Variants in SLC29A3 observed in about 807,000 individuals in gnomAD.
The protein encoded by SLC29A3 is solute carrier family 29 member 3.
SLC29A3 carries 18 observed loss-of-function variants against 25.4 expected under a neutral mutation model. That is an observed-to-expected ratio of 0.71 (90% confidence interval 0.49 to 1.05). SLC29A3 has a LOEUF of 1.05. SLC29A3 is among the 50% of genes least tolerant of loss of function. SLC29A3 has a pLI of 0.00. For missense variants in SLC29A3, 586 were observed against 609.0 expected (o/e 0.96, Z 0.40); for synonymous variants, 258 against 267.1 (o/e 0.97, Z 0.33).
chr10:71,344,075 C>A, intron 2 of SLC29A3, 134 bp from the exon 3 acceptor site: 1 of 760,912 alleles, frequency 1.3e-6, no homozygotes, highest in Non-Finnish European at 2.3e-6. Context: ...TGGAGGTGGG[C>A]TCACCCACGG....
At chr10:71,354,908 A>G (rs566861906) in intron 4 of SLC29A3, among the ~76,000 whole-genome samples, 1 of 152,350 alleles carries the variant, frequency 6.6e-6, no homozygotes, top group South Asian at 2.1e-4. Context: ...GGAAGAAAGT[A>G]AGTGATCAGC....
At chr10:71,345,389 A>G (rs1004339739) in intron 3 of SLC29A3, among the ~76,000 whole-genome samples, 1 of 152,108 alleles carries the variant, frequency 6.6e-6, no homozygotes, top group Non-Finnish European at 1.5e-5. Context: ...GTAGTGTCAC[A>G]TGTCAGCCTC....
chr10:71,344,601 GCAAGTCTGTGGCC>G (rs1172865492), intron 3 of SLC29A3, among the ~76,000 whole-genome samples: 2 of 152,196 alleles, frequency 1.3e-5, no homozygotes, highest in Non-Finnish European at 2.9e-5. Context: ...CTGTCAGTCT[GCAAGTCTGTGGCC>G]CAGAATGGGT....
At chr10:71,370,260 A>G (rs1245056277) in intron 3 of SLC29A3, among the ~76,000 whole-genome samples, 1 of 152,248 alleles carries the variant, frequency 6.6e-6, no homozygotes, top group African/African-American at 2.4e-5. Flanking sequence ...GGGTGGGTCC[A>G]CCTTCGCAGA....
At chr10:71,371,334 A>C (rs1226925177) in intron 3 of SLC29A3, among the ~76,000 whole-genome samples, 1 of 152,142 alleles carries the variant, frequency 6.6e-6, no homozygotes, top group Non-Finnish European at 1.5e-5. Context: ...ACCAGGGCAG[A>C]ATGTTCTCAT....
At chr10:71,344,969 A>C (rs1305464771) in intron 3 of SLC29A3, among the ~76,000 whole-genome samples, 1 of 152,204 alleles carries the variant, frequency 6.6e-6, no homozygotes. Flanking sequence ...CTAAAACCTG[A>C]GGTCACTGAT....
chr10:71,334,219 G>C (rs1429066360), intron 2 of SLC29A3, among the ~76,000 whole-genome samples: 5 of 152,232 alleles, frequency 3.3e-5, no homozygotes, highest in African/African-American at 1.2e-4. Flanking sequence ...CGTATTTTAG[G>C]CTTTGTGGGC....
chr10:71,369,604 C>A (rs1328431024), intron 3 of SLC29A3, among the ~76,000 whole-genome samples: 4 of 152,192 alleles, frequency 2.6e-5, no homozygotes, highest in Non-Finnish European at 5.9e-5. Flanking sequence ...AGTAGAGCAA[C>A]AATCCAACCT....
chr10:71,362,270 C>G lies in SLC29A3; in HGVS notation c.1090C>G (p.Gln364Glu). 6.2e-7 allele frequency: 1 copy of G among 1,614,160 alleles called. No homozygotes were observed. Among genetic ancestry groups the G allele is most frequent in the Non-Finnish European group, 8.5e-7 (1 of 1,180,016 alleles). Reference protein sequence around the residue: ...LYNFADLCGRQLTAWIQVPGP... With the variant: ...LYNFADLCGRELTAWIQVPGP... ...CAACTTTGCTGACCTATGTGGCCGGCAGCTCACCGCCTGGATCCAGGTGCC... is the reference window on the plus strand; with the variant it reads ...CAACTTTGCTGACCTATGTGGCCGGGAGCTCACCGCCTGGATCCAGGTGCC... The change falls in exon 6 of 6, where the codon CAG (glutamine) becomes GAG (glutamate). Residue 364 changes from glutamine to glutamate, a missense_variant. By Grantham distance (29) the Gln-to-Glu change is conservative. Transcript: ENST00000373189.
At chr10:71,350,676 G>A (rs1846732556) in intron 3 of SLC29A3, among the ~76,000 whole-genome samples, 1 of 152,158 alleles carries the variant, frequency 6.6e-6, no homozygotes, top group South Asian at 2.1e-4. Flanking sequence ...CACTAACTTG[G>A]CATCACCTGC....
chr10:71,338,473 C>G (rs565111099), intron 2 of SLC29A3, among the ~76,000 whole-genome samples: 1 of 152,308 alleles, frequency 6.6e-6, no homozygotes, highest in South Asian at 2.1e-4. Context: ...AAATCAAACC[C>G]TGGCCGGGCA....
At chr10:71,371,654 C>T (rs970313112) in intron 3 of SLC29A3, among the ~76,000 whole-genome samples, 2 of 152,136 alleles carry the variant, frequency 1.3e-5, no homozygotes, top group South Asian at 2.1e-4. Context: ...TTTTGAACCC[C>T]GACTCTATGT....
intron 3 of SLC29A3, among the ~76,000 whole-genome samples, chr10:71,373,181 A>G (rs1227305939): frequency 6.6e-6 from 1 of 152,248 alleles, no homozygotes; most frequent in Non-Finnish European, 1.5e-5. Flanking sequence ...GCCATTACCA[A>G]CCAGCAACAC....
intron 1 of SLC29A3, 168 bp downstream of exon 1, chr10:71,319,478 T>C: frequency 2.3e-6 from 1 of 435,968 alleles, no homozygotes; most frequent in Non-Finnish European, 4.1e-6. Context: ...TCTCTCTCCT[T>C]GCTCTCTGCC....
At chr10:71,348,517 G>C (rs12762772) in intron 3 of SLC29A3, among the ~76,000 whole-genome samples, 1 of 152,244 alleles carries the variant, frequency 6.6e-6, no homozygotes, top group African/African-American at 2.4e-5. Context: ...TGCCCTGCTG[G>C]CCCTTATCTT....
chr10:71,328,605 C>T (rs1846032760), intron 2 of SLC29A3, among the ~76,000 whole-genome samples: 1 of 152,182 alleles, frequency 6.6e-6, no homozygotes, highest in Non-Finnish European at 1.5e-5. Flanking sequence ...GCATGACACC[C>T]AACACATAAT....
chr10:71,347,180 C>T (rs978657585), intron 3 of SLC29A3, among the ~76,000 whole-genome samples: 3 of 152,190 alleles, frequency 2.0e-5, no homozygotes, highest in Non-Finnish European at 2.9e-5. Flanking sequence ...AGAACCGTGG[C>T]TTTCCCGACT....
In SLC29A3 at chr10:71,319,300, C is replaced by T. The variant is rs1467410428; in HGVS notation, c.-10C>T. ...CGCCGGAGGCAGCGGCGGCGTGGCG[C>T]AGCGGCGACAGTAAGTGCGGGCCGG... On this transcript the variant is annotated 5_prime_UTR_variant, in exon 1 of 6. Transcript: ENST00000373189. The T allele has an allele frequency of 4.7e-6, 3 of 644,602 alleles. No homozygotes were observed. Among genetic ancestry groups the T allele is most frequent in the Non-Finnish European group, 8.4e-6 (3 of 359,104 alleles). 39.9% of individuals were successfully genotyped at this position (644,602 alleles called of 1,614,324 possible).
At chr10:71,357,818 A>G (rs1425318814) in intron 5 of SLC29A3, among the ~76,000 whole-genome samples, 1 of 152,096 alleles carries the variant, frequency 6.6e-6, no homozygotes, top group African/African-American at 2.4e-5. Context: ...GCATTTTCCT[A>G]TCCACTATCT....
Sources: allele counts gnomAD v4.1 joint callset (sites outside exome capture counted in the v4.1 genomes callset), GRCh38; gene constraint gnomAD v4.1.1; transcripts MANE v1.5; gene names NCBI Gene and HGNC (gene_info 2026-07-23, HGNC 2026-07-21).